Variants in SP140L observed in about 807,000 individuals in gnomAD.
SP140L encodes SP140 like nuclear body protein, also known as nuclear body protein SP140-like protein.
In SP140L, 64 loss-of-function variants were observed where a neutral mutation model predicts 84.3. The ratio of observed to expected loss-of-function variants is 0.76; its 90% confidence interval spans 0.62 to 0.94. The LOEUF (loss-of-function observed/expected upper bound fraction) is 0.94. Ranked by LOEUF, SP140L falls within the 40% of genes least tolerant of loss-of-function variation. The pLI, the probability that SP140L is intolerant of heterozygous loss-of-function variation, is 0.00. For missense variants in SP140L, 628 were observed against 692.5 expected, an observed-to-expected ratio of 0.91 and a Z score of 1.05; for synonymous variants, 242 against 236.9, an observed-to-expected ratio of 1.02 and a Z score of -0.20.
At chr2:230,345,661 C>T (rs1201013669) in intron 2 of SP140L, among the ~76,000 whole-genome samples, 2 of 151,134 alleles carry the variant, frequency 1.3e-5, no homozygotes, top group African/African-American at 2.4e-5. Flanking sequence ...GCTTTGACTC[C>T]TTTCTCCTTT....
intron 2 of SP140L, among the ~76,000 whole-genome samples, chr2:230,343,429 G>A (rs957559868): frequency 2.7e-5 from 4 of 147,548 alleles, no homozygotes; most frequent in Non-Finnish European, 6.0e-5. Flanking sequence ...CTATTTATGG[G>A]TGCATAGTAT....
intron 2 of SP140L, among the ~76,000 whole-genome samples, chr2:230,349,862 A>G (rs1194878937): frequency 6.6e-6 from 1 of 152,172 alleles, no homozygotes; most frequent in African/African-American, 2.4e-5. Context: ...TACAAAAATT[A>G]GCCAGGAGTG....
chr2:230,361,989 G>T (rs2149741436), intron 5 of SP140L, among the ~76,000 whole-genome samples: 1 of 152,320 alleles, frequency 6.6e-6, no homozygotes, highest in South Asian at 2.1e-4. Context: ...ATTTAGAAAG[G>T]TCCCTGTGGG....
chr2:230,378,540 G>A (rs12105725), intron 7 of SP140L, among the ~76,000 whole-genome samples: 72,907 of 152,054 alleles, frequency 0.48, 18,147 homozygotes, highest in South Asian at 0.66. Context: ...GGCCATGTCA[G>A]GTGTGAGAGA....
intron 7 of SP140L, among the ~76,000 whole-genome samples, chr2:230,378,481 C>T (rs2061316741): frequency 6.6e-6 from 1 of 152,168 alleles, no homozygotes; most frequent in South Asian, 2.1e-4. Flanking sequence ...GAACTCCCCT[C>T]CTCCCACAAT....
chr2:230,350,085 A>T (rs2060321349), intron 2 of SP140L, among the ~76,000 whole-genome samples: 1 of 152,184 alleles, frequency 6.6e-6, no homozygotes, highest in Non-Finnish European at 1.5e-5. Context: ...CTCTGATGTT[A>T]CCCAAAAAAA....
chr2:230,400,324 T>C, intron 15 of SP140L, 82 bp downstream of exon 15: 1 of 1,407,172 alleles, frequency 7.1e-7, no homozygotes, highest in Non-Finnish European at 9.9e-7. Context: ...GAATGTCTGC[T>C]TGTGTCTAGA....
intron 7 of SP140L, among the ~76,000 whole-genome samples, chr2:230,373,452 G>A (rs1393684413): frequency 1.3e-5 from 2 of 152,148 alleles, no homozygotes. Flanking sequence ...AAGTCCTAGG[G>A]CCCTTAAGAA....
In SP140L at chr2:230,373,104, T is replaced by G. The variant is rs567202289; in HGVS notation, c.637+1453T>G. 3.3e-5 allele frequency among the ~76,000 whole-genome samples: 5 copies of G among 152,344 alleles called. No homozygotes were observed. The East Asian group carries it at 9.6e-4, about 29-fold the overall frequency. On this transcript the variant is annotated intron_variant, in intron 7 of 18. Coordinates refer to ENST00000415673, the MANE Select transcript of SP140L (RefSeq NM_138402.6). ...TGTAGAAAGCTTCATAAGAAAAGTC[T>G]GAAGGTAACACCAGTTGGTTCATGA...
chr2:230,384,320 G>A lies in SP140L; in HGVS notation c.703+745G>A, dbSNP rs2061500026. On this transcript the variant is annotated intron_variant, in intron 8 of 18. Coordinates refer to ENST00000415673, the MANE Select transcript of SP140L (RefSeq NM_138402.6). ...TCATCTGTGGCTATCTCTAGATGAT[G>A]ATGTTTTAGACCATTTTATTTTCTG... Among the ~76,000 whole-genome samples the A allele has an allele frequency of 2.0e-5, 3 of 152,274 alleles. No homozygotes were observed. The South Asian group carries it at 6.2e-4, about 32-fold the overall frequency.
In SP140L at chr2:230,357,798, T is replaced by C. The variant is rs745577525; in HGVS notation, c.108-7T>C. ...GACCATTTTCATTTGGTGTCCTTTT[T>C]CCTTAGGCTGTTCACGGAAGACCAG... On this transcript the variant is annotated splice_region_variant and splice_polypyrimidine_tract_variant and intron_variant, in intron 2 of 18. Transcript: ENST00000415673. 6.2e-7 allele frequency: 1 copy of C among 1,600,642 alleles called. No individual in the cohort carries two copies. The highest frequency in any genetic ancestry group is 1.1e-5 in the South Asian group (1 of 88,884).
At chr2:230,330,906 T>G (rs911096046) in intron 2 of SP140L, among the ~76,000 whole-genome samples, 2 of 152,200 alleles carry the variant, frequency 1.3e-5, no homozygotes, top group African/African-American at 4.8e-5. Flanking sequence ...GGATGCGAAC[T>G]GTCCCTTTAT....
chr2:230,328,813 A>G lies in SP140L; in HGVS notation c.89A>G (p.His30Arg). The change falls in exon 2 of 19, where the codon CAC becomes CGC. Residue 30 changes from histidine to arginine, a missense_variant. Physicochemically the swap from His to Arg is conservative, Grantham distance 29. This residue lies in a region of SP140L where 525 missense variants were observed against 518.4 expected (regional missense o/e 1.01). Transcript: ENST00000415673. ...AATGAGATGAACCATCTTCCTGCAC[A>G]CAGCCAAAGTCTGCAAAGGTGATGA... ...VANEMNHLPA[H>R]SQSLQRLFTE... 2 of 1,611,452 alleles carry G rather than the reference A, an allele frequency of 1.2e-6. No individual in the cohort carries two copies. Among genetic ancestry groups the G allele is most frequent in the South Asian group, 2.2e-5 (2 of 90,642 alleles).
At chr2:230,396,866 TCATGACTGCTGTTGCCTGAAG>T in intron 14 of SP140L, 68 bp downstream of exon 14, 1 of 1,577,846 alleles carries the variant, frequency 6.3e-7, no homozygotes, top group Non-Finnish European at 8.7e-7. Context: ...ATGTTCTGTG[TCATGACTGCTGTTGCCTGAAG>T]CATGTTCAGT....
chr2:230,396,929 G>C lies in SP140L; in HGVS notation c.1197+131G>C, dbSNP rs1048279509. 5.4e-6 allele frequency: 6 copies of C among 1,111,010 alleles called. No individual in the cohort carries two copies. In the African/African-American group the frequency reaches 7.9e-5, roughly 15 times the overall value. The allele number at this position is 1,111,010 out of a possible 1,614,324, so 68.8% of individuals were successfully genotyped here. A position where few individuals can be genotyped will look rare whatever the true frequency, so the allele number is the denominator to read the frequency against. ...TGGAGTATGTGGCTGTGTGAATTCA[G>C]TTGCATCACCCAAGCCAGGTAGATG... On this transcript the variant is annotated intron_variant, in intron 14 of 18. Coordinates refer to ENST00000415673, the MANE Select transcript of SP140L (RefSeq NM_138402.6).
chr2:230,397,098 G>C (rs1448610395), intron 14 of SP140L, among the ~76,000 whole-genome samples: 1 of 152,234 alleles, frequency 6.6e-6, no homozygotes, highest in Non-Finnish European at 1.5e-5. Flanking sequence ...TCTTGAAACA[G>C]AGCTTGAAGT....
intron 7 of SP140L, among the ~76,000 whole-genome samples, chr2:230,380,568 G>A (rs12694855): frequency 0.23 from 35,025 of 151,824 alleles, 4,272 homozygotes; most frequent in Non-Finnish European, 0.28. Context: ...CTGCACCATC[G>A]AAATCTTTAT....
chr2:230,397,256 A>G (rs768102778), intron 14 of SP140L, among the ~76,000 whole-genome samples: 7 of 152,240 alleles, frequency 4.6e-5, no homozygotes, highest in African/African-American at 7.2e-5. Context: ...CTTAAGCATC[A>G]GCCAGAAGGA....
In SP140L at chr2:230,370,897, G is replaced by A. The variant is rs746313056; in HGVS notation, c.524-11G>A. 6.8e-6 allele frequency: 11 copies of A among 1,612,950 alleles called. No individual in the cohort carries two copies. The Admixed American group carries it at 1.8e-4, about 27-fold the overall frequency. Reference sequence around the variant, plus strand: ...AAAATGAGAAGTGTTCCTATGTCATGTGTTTCTCAGGAGAAGTGCCAGAAA... The same window carrying A: ...AAAATGAGAAGTGTTCCTATGTCATATGTTTCTCAGGAGAAGTGCCAGAAA... On this transcript the variant is annotated splice_polypyrimidine_tract_variant and intron_variant, in intron 5 of 18. Coordinates refer to ENST00000415673, the MANE Select transcript of SP140L (RefSeq NM_138402.6).
Sources: gnomAD v4.1 joint callset for allele counts (sites outside exome capture counted in the v4.1 genomes callset) on GRCh38, gnomAD v4.1.1 for gene constraint, gnomAD v4.1.1 regional missense constraint, MANE v1.5 for transcripts, NCBI Gene and HGNC (gene_info 2026-07-23, HGNC 2026-07-21) for gene names.